DLC1: variants seen among roughly 807,000 people sequenced by gnomAD.
DLC1 encodes the protein DLC1 Rho GTPase activating protein.
In DLC1, 54 loss-of-function variants were observed where a neutral mutation model predicts 140.3. That is an observed-to-expected ratio of 0.38 (90% CI 0.31 to 0.48). The LOEUF (loss-of-function observed/expected upper bound fraction) is 0.48, where lower values mean the gene tolerates loss of function less well. Among genes scored for constraint, DLC1 ranks in the 20% least tolerant of loss-of-function variants. The pLI is 0.96. For missense variants in DLC1, 2,536 were observed against 1,907.0 expected, an observed-to-expected ratio of 1.33 and a Z score of -6.14; for synonymous variants, 986 against 728.1, an observed-to-expected ratio of 1.35 and a Z score of -5.70.
intron 1 of DLC1, among the ~76,000 whole-genome samples, chr8:13,530,669 C>G (rs1252674959): frequency 6.6e-6 from 1 of 152,114 alleles, no homozygotes; most frequent in East Asian, 1.9e-4. Flanking sequence ...CACCACTTGA[C>G]CTAGAGTATA....
intron 5 of DLC1, among the ~76,000 whole-genome samples, chr8:13,231,084 A>G (rs1362869265): frequency 6.6e-6 from 1 of 152,172 alleles, no homozygotes; most frequent in Non-Finnish European, 1.5e-5. Context: ...ACCAGTACAT[A>G]CAGCACAGAC....
chr8:13,491,511 AT>A (rs1801240253), intron 2 of DLC1, among the ~76,000 whole-genome samples: 1 of 152,204 alleles, frequency 6.6e-6, no homozygotes, highest in African/African-American at 2.4e-5. Flanking sequence ...ATATACGTGA[AT>A]GGATATTCTA....
intron 5 of DLC1, 103 bp from the exon 6 acceptor site, chr8:13,115,760 C>T (rs889270502): frequency 1.6e-5 from 17 of 1,057,520 alleles, no homozygotes; most frequent in Middle Eastern, 2.1e-4. Context: ...AACATGACTG[C>T]CATAGAAAAT....
chr8:13,481,253 C>T (rs903246846), intron 2 of DLC1, among the ~76,000 whole-genome samples: 1 of 152,090 alleles, frequency 6.6e-6, no homozygotes, highest in African/African-American at 2.4e-5. Context: ...GACAAAACCC[C>T]ATCTCCTCAA....
At chr8:13,391,196 G>A (rs979652755) in intron 4 of DLC1, among the ~76,000 whole-genome samples, 2 of 152,180 alleles carry the variant, frequency 1.3e-5, no homozygotes, top group African/African-American at 4.8e-5. Flanking sequence ...AAGTCCACCT[G>A]TGCTGCTGGT....
At chr8:13,587,087 C>CACACACAG (rs34929914) in intron 1 of DLC1, among the ~76,000 whole-genome samples, 1 of 150,798 alleles carries the variant, frequency 6.6e-6, no homozygotes, top group African/African-American at 2.4e-5. Flanking sequence ...TACACACACA[C>CACACACAG]ACACACACAC....
intron 2 of DLC1, among the ~76,000 whole-genome samples, chr8:13,404,639 C>G (rs537388385): frequency 6.6e-6 from 1 of 151,982 alleles, no homozygotes; most frequent in African/African-American, 2.4e-5. Context: ...AAGGAATTAC[C>G]TGAGCAACAA....
At chr8:13,450,540 A>T (rs1304868698) in intron 2 of DLC1, among the ~76,000 whole-genome samples, 7 of 151,222 alleles carry the variant, frequency 4.6e-5, no homozygotes, top group Non-Finnish European at 1.5e-5. Context: ...TAGAAAGCTT[A>T]TTTTGAAAAC....
In DLC1 at chr8:13,210,213, C is replaced by G. The variant is rs577322429; in HGVS notation, c.1349-94556G>C. ...TTTTTTTAAAATAGCTAACAAAACA[C>G]AGCATAGTCCAAGAGTTCTATCCTG... On this transcript the variant is annotated intron_variant, in intron 5 of 17. Coordinates refer to ENST00000276297, the MANE Select transcript of DLC1 (RefSeq NM_182643.3). 2.0e-4 allele frequency among the ~76,000 whole-genome samples: 31 copies of G among 152,290 alleles called. 1 individual carries two copies. Among genetic ancestry groups the G allele is most frequent in the Admixed American group, 1.9e-3 (29 of 15,288 alleles).
At chr8:13,262,827 G>A (rs186591902) in intron 5 of DLC1, among the ~76,000 whole-genome samples, 22 of 152,328 alleles carry the variant, frequency 1.4e-4, no homozygotes, top group African/African-American at 5.3e-4. Flanking sequence ...GATGACGAAT[G>A]CAAGTACAGA....
At chr8:13,233,545 T>A (rs1829150736) in intron 5 of DLC1, among the ~76,000 whole-genome samples, 1 of 152,130 alleles carries the variant, frequency 6.6e-6, no homozygotes, top group South Asian at 2.1e-4. Context: ...AATATTTTAT[T>A]CCAATCATGG....
intron 4 of DLC1, among the ~76,000 whole-genome samples, chr8:13,327,120 ATTTTTTT>A (rs34667525): frequency 2.5e-4 from 21 of 85,634 alleles, no homozygotes; most frequent in Admixed American, 5.4e-4. Flanking sequence ...ACACCCGGCT[ATTTTTTT>A]TTTTTTTTTT....
Position 13,185,122 on chromosome 8 carries a change from C to CTTTTTTTT in DLC1, c.1349-69473_1349-69466dup, listed in dbSNP as rs1193667992. 8.9e-4 allele frequency among the ~76,000 whole-genome samples: 75 copies of CTTTTTTTT among 84,550 alleles called. 1 individual carries two copies. The highest frequency in any genetic ancestry group is 3.3e-3 in the African/African-American group (63 of 19,214). The allele number at this position is 84,550 out of a possible 152,430, so 55.5% of individuals were successfully genotyped here. ...TCAGAGACTAGGATTGCAACCCCTGCTTTTTTTTTTTTTTTTTTTTGCTTT... is the reference window on the plus strand; with the variant it reads ...TCAGAGACTAGGATTGCAACCCCTGCTTTTTTTTTTTTTTTTTTTTTTTTTTTTGCTTT... On this transcript the variant is annotated intron_variant, in intron 5 of 17. Coordinates refer to ENST00000276297, the MANE Select transcript of DLC1 (RefSeq NM_182643.3).
At position 13,348,006 on chromosome 8, in the gene DLC1, G is replaced by A. The variant is rs147700495; in HGVS notation, c.1315-42704C>T. Among the ~76,000 whole-genome samples, 463 of 152,144 alleles carry A rather than the reference G, an allele frequency of 3.0e-3. 5 individuals carry two copies. The highest frequency in any genetic ancestry group is 0.011 in the African/African-American group (443 of 41,514). ...TGGGAGGTGGAGGCAGGAGAATGGC[G>A]TGAACCCGGGAGACATAGCTTGCAG... On this transcript the variant is annotated intron_variant, in intron 4 of 17. Transcript: ENST00000276297.
At chr8:13,439,590 A>T (rs1382059036) in intron 2 of DLC1, among the ~76,000 whole-genome samples, 10 of 152,220 alleles carry the variant, frequency 6.6e-5, no homozygotes, top group African/African-American at 2.4e-4. Context: ...TAATGGAAAC[A>T]TACACCTGTA....
At chr8:13,403,733 C>T (rs757224708) in intron 2 of DLC1, among the ~76,000 whole-genome samples, 2 of 149,784 alleles carry the variant, frequency 1.3e-5, no homozygotes, top group African/African-American at 4.9e-5. Flanking sequence ...CTGGATCTCT[C>T]GGGATCCAAG....
chr8:13,587,271 T>C (rs34216318), intron 1 of DLC1, among the ~76,000 whole-genome samples: 40,260 of 150,656 alleles, frequency 0.27, 6,049 homozygotes, highest in Non-Finnish European at 0.35. Context: ...GGTGTGCTTT[T>C]AGTGTAACCA....
In DLC1 at chr8:13,257,439, G is replaced by GA. The variant is rs34452124; in HGVS notation, c.1348+47829dup. On this transcript the variant is annotated intron_variant, in intron 5 of 17. Coordinates refer to ENST00000276297, the MANE Select transcript of DLC1 (RefSeq NM_182643.3). ...GTGACAGAGCAATACCCTGTCTCAGGAAAAAAAAAAAAAAAAAAAGCAACA... is the reference window on the plus strand; with the variant it reads ...GTGACAGAGCAATACCCTGTCTCAGGAAAAAAAAAAAAAAAAAAAAGCAACA... 7.1e-3 allele frequency among the ~76,000 whole-genome samples: 743 copies of GA among 104,412 alleles called. 7 individuals are homozygous for GA. Among genetic ancestry groups the GA allele is most frequent in the African/African-American group, 0.017 (453 of 27,346 alleles). The allele number at this position is 104,412 out of a possible 152,430, so 68.5% of individuals were successfully genotyped here. A position where few individuals can be genotyped will look rare whatever the true frequency, so the allele number is the denominator to read the frequency against.
chr8:13,253,734 G>A (rs576076694), intron 5 of DLC1, among the ~76,000 whole-genome samples: 1 of 152,284 alleles, frequency 6.6e-6, no homozygotes, highest in South Asian at 2.1e-4. Context: ...TGGAGAGTGG[G>A]CTTAGGAAGA....
Sources: gnomAD v4.1 joint callset for allele counts (sites outside exome capture counted in the v4.1 genomes callset) on GRCh38, gnomAD v4.1.1 for gene constraint, MANE v1.5 for transcripts, NCBI Gene and HGNC (gene_info 2026-07-23, HGNC 2026-07-21) for gene names.